ASIC2: variants seen among roughly 807,000 people sequenced by gnomAD.
ASIC2 encodes the protein acid sensing ion channel subunit 2, also known as acid-sensing ion channel 2.
ASIC2 carries 25 observed loss-of-function variants against 57.3 expected under a neutral mutation model. The observed-to-expected ratio is 0.44, with a 90% CI of 0.32 to 0.61. The LOEUF (loss-of-function observed/expected upper bound fraction) is 0.61, where lower values mean the gene tolerates loss of function less well. Among genes scored for constraint, ASIC2 ranks in the 20% least tolerant of loss-of-function variants. The pLI is 0.06. For synonymous variants in ASIC2, 319 were observed against 307.5 expected, an observed-to-expected ratio of 1.04 and a Z score of -0.39; for missense variants, 641 against 738.1, an observed-to-expected ratio of 0.87 and a Z score of 1.52.
At chr17:33,701,906 G>A (rs773256840) in intron 1 of ASIC2, among the ~76,000 whole-genome samples, 13 of 152,148 alleles carry the variant, frequency 8.5e-5, no homozygotes, top group Non-Finnish European at 1.8e-4. Flanking sequence ...TTCATTGTCG[G>A]TACTTCTGAT....
At chr17:33,042,081 G>A (rs2091932227) in intron 3 of ASIC2, among the ~76,000 whole-genome samples, 1 of 152,198 alleles carries the variant, frequency 6.6e-6, no homozygotes, top group Non-Finnish European at 1.5e-5. Flanking sequence ...GCATCCTGCT[G>A]CATGATTTAA....
intron 1 of ASIC2, among the ~76,000 whole-genome samples, chr17:33,218,093 G>A (rs374286562): frequency 3.9e-5 from 6 of 152,348 alleles, no homozygotes; most frequent in African/African-American, 1.4e-4. Flanking sequence ...GCTACGTAAT[G>A]CAATTCATGC....
At position 33,967,591 on chromosome 17, in the gene ASIC2, C is replaced by T. The variant is rs566211037; in HGVS notation, c.555+188387G>A. ...TGGCTCAAAAGTCTTCAGTTACACC[C>T]CACTGTTACCTTATAAAGTCCTAAC... On this transcript the variant is annotated intron_variant, in intron 1 of 9. Transcript: ENST00000359872. Among the ~76,000 whole-genome samples the T allele has an allele frequency of 6.6e-5, 10 of 152,280 alleles. No individual in the cohort carries two copies. In the South Asian group the frequency reaches 2.1e-3, roughly 32 times the overall value.
intron 1 of ASIC2, among the ~76,000 whole-genome samples, chr17:34,015,141 T>C (rs1906906353): frequency 6.7e-6 from 1 of 148,886 alleles, no homozygotes; most frequent in African/African-American, 2.5e-5. Context: ...ACTCCTGGGC[T>C]CAAGAGATCT....
intron 1 of ASIC2, chr17:34,082,352 C>T (rs1208415706): frequency 6.6e-6 from 1 of 152,084 alleles, no homozygotes; most frequent in Non-Finnish European, 1.5e-5. Flanking sequence ...TTTTATTTTG[C>T]CAGGTGAGAA....
chr17:33,644,599 C>T (rs1402248779), intron 1 of ASIC2, among the ~76,000 whole-genome samples: 1 of 152,090 alleles, frequency 6.6e-6, no homozygotes, highest in Non-Finnish European at 1.5e-5. Context: ...ATGAATTAAC[C>T]CTCAAAAATG....
intron 1 of ASIC2, among the ~76,000 whole-genome samples, chr17:33,748,284 C>T (rs544062387): frequency 2.6e-5 from 4 of 152,304 alleles, no homozygotes; most frequent in African/African-American, 9.6e-5. Flanking sequence ...TGCAAACTGC[C>T]ACCTCCCAGG....
chr17:33,241,694 C>T (rs1908512124), intron 1 of ASIC2, among the ~76,000 whole-genome samples: 1 of 152,156 alleles, frequency 6.6e-6, no homozygotes, highest in African/African-American at 2.4e-5. Context: ...GGCCTAATTC[C>T]ACTGGATTCT....
Position 33,028,319 on chromosome 17 carries a change from CT to C in ASIC2, c.1060del (p.Ser354AlafsTer45). On this transcript the variant is annotated frameshift_variant, in exon 4 of 10. Coordinates refer to ENST00000225823, the MANE Select transcript of ASIC2 (RefSeq NM_183377.2). LOFTEE classifies it high-confidence loss of function. ...EMGLDFFPVY[S>X]ITACRIDCET... is the part of the protein sequence containing the mutation. Reference sequence around the variant, plus strand: ...ACAGTCAATCCTACAGGCGGTGATGCTGTAAACAGGAAAAAAGTCGAGGCCC... The same window carrying C: ...ACAGTCAATCCTACAGGCGGTGATGCGTAAACAGGAAAAAAGTCGAGGCCC... The C allele has an allele frequency of 6.2e-7, 1 of 1,614,140 alleles. No homozygotes were observed. The highest frequency in any genetic ancestry group is 8.5e-7 in the Non-Finnish European group (1 of 1,180,034).
At chr17:33,109,454 T>C (rs1422908221) in intron 2 of ASIC2, among the ~76,000 whole-genome samples, 1 of 152,180 alleles carries the variant, frequency 6.6e-6, no homozygotes, top group African/African-American at 2.4e-5. Context: ...CCGTTCTTCA[T>C]ACAGCCTGCT....
chr17:33,085,347 C>T (rs1365283909), intron 3 of ASIC2, among the ~76,000 whole-genome samples: 1 of 152,120 alleles, frequency 6.6e-6, no homozygotes, highest in Admixed American at 6.5e-5. Context: ...AATTTTAAGA[C>T]TTAATTGATT....
Position 33,339,838 on chromosome 17 carries a change from G to A in ASIC2, c.556-227771C>T, listed in dbSNP as rs559003677. ...AAAAGAGATAAAACCAGATTTGGCA[G>A]TGGTGACACTTGGTTGGGTATCTGA... On this transcript the variant is annotated intron_variant, in intron 1 of 9. Transcript: ENST00000359872. Among the ~76,000 whole-genome samples the A allele has an allele frequency of 1.4e-3, 209 of 152,304 alleles. 1 individual carries two copies. Among genetic ancestry groups the A allele is most frequent in the Non-Finnish European group, 1.5e-3 (105 of 68,024 alleles).
At chr17:33,799,430 CTTTCTTTCTTTCTTT>C (rs1912046189) in intron 1 of ASIC2, among the ~76,000 whole-genome samples, 1 of 15,332 alleles carries the variant, frequency 6.5e-5, no homozygotes, top group South Asian at 2.5e-3. Flanking sequence ...TTTCTTTCTT[CTTTCTTTCTTTCTTT>C]CTTTCTTTCT....
intron 1 of ASIC2, among the ~76,000 whole-genome samples, chr17:33,968,108 T>TTA (rs1905124960): frequency 6.6e-6 from 1 of 151,830 alleles, no homozygotes; most frequent in South Asian, 2.1e-4. Flanking sequence ...CACTCTGGGC[T>TTA]TACTGTGTGC....
intron 1 of ASIC2, among the ~76,000 whole-genome samples, chr17:33,735,027 T>A (rs1043263143): frequency 6.6e-5 from 10 of 152,208 alleles, no homozygotes; most frequent in Non-Finnish European, 1.3e-4. Context: ...TCGCTGTTGC[T>A]GTTGTTTGGA....
chr17:33,871,236 G>T (rs1567740877), intron 1 of ASIC2, among the ~76,000 whole-genome samples: 1 of 152,234 alleles, frequency 6.6e-6, no homozygotes, highest in African/African-American at 2.4e-5. Flanking sequence ...CACTCAGAGA[G>T]GGTGGACATC....
At chr17:34,070,885 G>A (rs923594709) in intron 1 of ASIC2, 1 of 152,344 alleles carries the variant, frequency 6.6e-6, no homozygotes, top group African/African-American at 2.4e-5. Context: ...CAGCGCCACA[G>A]AGGCAGAGTC....
intron 1 of ASIC2, among the ~76,000 whole-genome samples, chr17:34,079,579 G>A (rs753592613): frequency 1.9e-4 from 29 of 152,278 alleles, no homozygotes; most frequent in Non-Finnish European, 2.6e-4. Flanking sequence ...CTCTCCAACT[G>A]TATGTCAAGT....
intron 1 of ASIC2, among the ~76,000 whole-genome samples, chr17:33,871,426 C>T (rs1914404757): frequency 6.6e-6 from 1 of 152,218 alleles, no homozygotes; most frequent in African/African-American, 2.4e-5. Flanking sequence ...AGTGTCAACC[C>T]CACCTCCTTC....
Sources: allele counts gnomAD v4.1 joint callset (sites outside exome capture counted in the v4.1 genomes callset), GRCh38; gene constraint gnomAD v4.1.1; transcripts MANE v1.5; gene names NCBI Gene and HGNC (gene_info 2026-07-23, HGNC 2026-07-21).